The following MAGI3 variants were observed in gnomAD, a reference collection of about 807,000 sequenced individuals.
MAGI3 encodes the protein membrane-associated guanylate kinase, WW and PDZ domain-containing protein 3.
Under a neutral mutation model 121.8 loss-of-function variants are expected in MAGI3, and 43 were observed. The ratio of observed to expected loss-of-function variants is 0.35; its 90% CI spans 0.28 to 0.46. MAGI3 has a LOEUF of 0.46. Among genes scored for constraint, MAGI3 ranks in the 20% least tolerant of loss-of-function variants. The probability of loss-of-function intolerance (pLI) is 1.00; values close to 1 mark genes in which losing one functional copy is unlikely to be tolerated. For missense variants in MAGI3, 1,547 were observed against 1,797.3 expected (o/e 0.86, Z 2.52); for synonymous variants, 553 against 639.3 (o/e 0.86, Z 2.04).
intron 1 of MAGI3, among the ~76,000 whole-genome samples, chr1:113,493,174 T>TA (rs1440820005): frequency 3.3e-5 from 5 of 152,314 alleles, no homozygotes. Flanking sequence ...AACAGCATGA[T>TA]ACTGCTACAA....
chr1:113,518,292 ATAT>A (rs1181808134), intron 1 of MAGI3, among the ~76,000 whole-genome samples: 8 of 152,056 alleles, frequency 5.3e-5, no homozygotes, highest in Non-Finnish European at 1.5e-5. Context: ...CTGTGTTTTG[ATAT>A]TTCTCTGAGT....
intron 1 of MAGI3, among the ~76,000 whole-genome samples, chr1:113,404,822 T>G (rs1397493295): frequency 6.6e-6 from 1 of 152,102 alleles, no homozygotes; most frequent in Non-Finnish European, 1.5e-5. Context: ...ACAAAACTCT[T>G]CACCCCAAGG....
chr1:113,494,712 C>T (rs1290023451), intron 1 of MAGI3, among the ~76,000 whole-genome samples: 2 of 152,130 alleles, frequency 1.3e-5, no homozygotes, highest in South Asian at 2.1e-4. Context: ...GGGTCACTGA[C>T]AATCAATGTG....
At chr1:113,414,543 T>A (rs1652196337) in intron 1 of MAGI3, among the ~76,000 whole-genome samples, 1 of 152,076 alleles carries the variant, frequency 6.6e-6, no homozygotes, top group Admixed American at 6.6e-5. Flanking sequence ...AATTATTGCC[T>A]CAATTTCAGA....
intron 12 of MAGI3, among the ~76,000 whole-genome samples, chr1:113,647,834 CATAGCCTG>C (rs1388024809): frequency 1.3e-5 from 2 of 152,100 alleles, no homozygotes; most frequent in Admixed American, 6.6e-5. Flanking sequence ...ACTTTCCATT[CATAGCCTG>C]ATACATTATT....
chr1:113,457,381 TAATCTG>T (rs1654811106), intron 1 of MAGI3, among the ~76,000 whole-genome samples: 1 of 152,206 alleles, frequency 6.6e-6, no homozygotes, highest in South Asian at 2.1e-4. Context: ...CCCTTACAAT[TAATCTG>T]AAAGTCAATT....
chr1:113,440,279 A>G (rs1170408173), intron 1 of MAGI3, among the ~76,000 whole-genome samples: 2 of 152,204 alleles, frequency 1.3e-5, no homozygotes, highest in Non-Finnish European at 2.9e-5. Context: ...AGCTACAAGC[A>G]ACAGAAAAAC....
intron 3 of MAGI3, among the ~76,000 whole-genome samples, chr1:113,583,702 G>A (rs924651470): frequency 6.6e-6 from 1 of 151,906 alleles, no homozygotes; most frequent in African/African-American, 2.4e-5. Flanking sequence ...CCAGAGAAGC[G>A]TGACTGGCTT....
intron 1 of MAGI3, among the ~76,000 whole-genome samples, chr1:113,444,324 C>T (rs1485475036): frequency 1.3e-5 from 2 of 152,264 alleles, no homozygotes; most frequent in East Asian, 3.9e-4. Flanking sequence ...GTATACCTAC[C>T]CCCATTGTTG....
rs1365166201 is a variant in MAGI3 at position 113,653,595 on chromosome 1, C to T, written c.2441-235C>T. On this transcript the variant is annotated intron_variant, in intron 14 of 20. Coordinates refer to ENST00000307546, the MANE Select transcript of MAGI3 (RefSeq NM_001142782.2). ...TCGGGGAAAAAAAAAAATGAGATAA[C>T]ATGAGATTGTATGTATTTTTCAGTA... 2.6e-5 allele frequency among the ~76,000 whole-genome samples: 4 copies of T among 152,012 alleles called. No homozygotes were observed. The Middle Eastern group carries it at 0.01, about 388-fold the overall frequency.
chr1:113,574,145 C>A (rs766341492), intron 2 of MAGI3, among the ~76,000 whole-genome samples: 3 of 152,112 alleles, frequency 2.0e-5, no homozygotes, highest in Non-Finnish European at 2.9e-5. Flanking sequence ...ACTCCTTTAT[C>A]CAATTTGCCA....
chr1:113,683,574 G>C lies in MAGI3; in HGVS notation c.4006G>C (p.Val1336Leu), dbSNP rs750779760. ...CCCAGATGGGAAGGAAAAATCAGAC[G>C]TCATCAGGAAAGATGCAAAGCAGAA... is the stretch of plus-strand genomic sequence containing the variant. ...QIPDGKEKSD[V>L]IRKDAKQNQL... Residue 1336 changes from valine (V) to leucine (L), a missense_variant, in exon 21 of 21, where the codon GTC (valine) becomes CTC (leucine). Physicochemically the swap from Val to Leu is conservative, Grantham distance 32. Transcript: ENST00000307546. 6.2e-7 allele frequency: 1 copy of C among 1,613,730 alleles called. No individual in the cohort carries two copies. The highest frequency in any genetic ancestry group is 1.7e-5 in the Admixed American group (1 of 59,992).
At chr1:113,396,287 T>TTGTGTGTG (rs3058309) in intron 1 of MAGI3, among the ~76,000 whole-genome samples, 4,747 of 146,928 alleles carry the variant, frequency 0.032, 181 homozygotes, top group African/African-American at 0.082. Context: ...AATGTCAGGG[T>TTGTGTGTG]TGTGTGTGTG....
At chr1:113,668,569 C>CTTTTTTTTTTTTTT (rs370302032) in intron 16 of MAGI3, among the ~76,000 whole-genome samples, 2 of 94,850 alleles carry the variant, frequency 2.1e-5, no homozygotes, top group African/African-American at 4.2e-5. Context: ...AAACATGTAA[C>CTTTTTTTTTTTTTT]TTTTTTTTTT....
At chr1:113,605,450 G>T (rs1035775085) in intron 6 of MAGI3, among the ~76,000 whole-genome samples, 2 of 152,114 alleles carry the variant, frequency 1.3e-5, no homozygotes, top group Admixed American at 6.6e-5. Context: ...CTCATGTGTG[G>T]TAATAGAAAT....
chr1:113,486,772 C>T (rs1656402948), intron 1 of MAGI3, among the ~76,000 whole-genome samples: 2 of 151,904 alleles, frequency 1.3e-5, no homozygotes, highest in African/African-American at 4.8e-5. Context: ...CCATCCCAGC[C>T]TCCTGAGTGG....
At chr1:113,607,208 G>C (rs544049351) in intron 6 of MAGI3, among the ~76,000 whole-genome samples, 30 of 152,218 alleles carry the variant, frequency 2.0e-4, no homozygotes, top group South Asian at 6.2e-4. Context: ...GTTACTGAAA[G>C]AAAAAGAAAC....
intron 20 of MAGI3, chr1:113,682,422 T>A (rs1419839996): frequency 7.1e-7 from 1 of 1,403,910 alleles, no homozygotes. Flanking sequence ...TGACATTAAA[T>A]TTGACAGCTT....
chr1:113,578,138 G>A (rs573457177), intron 2 of MAGI3, among the ~76,000 whole-genome samples: 14 of 152,228 alleles, frequency 9.2e-5, no homozygotes, highest in Admixed American at 8.5e-4. Context: ...GCTGCTTTTT[G>A]TTGGCTTGGG....
Sources: gnomAD v4.1 joint callset for allele counts (sites outside exome capture counted in the v4.1 genomes callset) on GRCh38, gnomAD v4.1.1 for gene constraint, MANE v1.5 for transcripts, NCBI Gene and HGNC (gene_info 2026-07-23, HGNC 2026-07-21) for gene names.